The following CCNJL variants were observed in gnomAD, a reference collection of about 807,000 sequenced individuals.
The protein encoded by CCNJL is cyclin-J-like protein.
CCNJL carries 33 observed loss-of-function variants against 33.4 expected under a neutral mutation model. That is an observed-to-expected ratio of 0.99 (90% confidence interval 0.75 to 1.32). The LOEUF is 1.32. Ranked by LOEUF, CCNJL falls within the 40% of genes most tolerant of loss-of-function variation. The pLI, the probability that CCNJL is intolerant of heterozygous loss-of-function variation, is 0.00. For synonymous variants in CCNJL, 227 were observed against 220.9 expected (o/e 1.03, Z -0.24); for missense variants, 512 against 499.7 (o/e 1.02, Z -0.23).
intron 2 of CCNJL, chr5:160,281,003 T>C (rs1380038631): frequency 9.1e-6 from 5 of 551,350 alleles, no homozygotes; most frequent in Non-Finnish European, 1.6e-5. Flanking sequence ...GGTTTGCTAT[T>C]TGAGATACAC....
intron 1 of CCNJL, among the ~76,000 whole-genome samples, chr5:160,326,486 CAAAAAA>C (rs11461365): frequency 3.5e-5 from 2 of 57,646 alleles, no homozygotes; most frequent in Non-Finnish European, 6.5e-5. Flanking sequence ...ACTCTGTCTC[CAAAAAA>C]AAAAAAAAAA....
chr5:160,333,149 G>A (rs1381019626), intron 1 of CCNJL, among the ~76,000 whole-genome samples: 1 of 149,970 alleles, frequency 6.7e-6, no homozygotes, highest in Non-Finnish European at 1.5e-5. Context: ...TTGAGATGGA[G>A]TCTCGCTCTG....
At chr5:160,292,292 A>G (rs574463563) in intron 2 of CCNJL, among the ~76,000 whole-genome samples, 2 of 152,310 alleles carry the variant, frequency 1.3e-5, no homozygotes, top group East Asian at 1.9e-4. Context: ...AGATATATAG[A>G]TATCTCTATA....
intron 2 of CCNJL, 135 bp downstream of exon 2, chr5:160,311,723 A>C: frequency 4.0e-6 from 3 of 755,036 alleles, no homozygotes; most frequent in African/African-American, 1.7e-5. Flanking sequence ...ACACTCCGGG[A>C]GAAGGTAAAG....
chr5:160,280,776 C>A, intron 2 of CCNJL, 38 bp from the exon 3 acceptor site: 1 of 1,398,636 alleles, frequency 7.1e-7, no homozygotes, highest in East Asian at 2.5e-5. Flanking sequence ...ACGGTCAGGG[C>A]TGCCTCCTGA....
At position 160,259,474 on chromosome 5, in the gene CCNJL, A is replaced by G. The variant is rs1423140025; in HGVS notation, c.578T>C (p.Leu193Pro). ...EYAHYFLEVT[L>P]QDHIFYKFQP... is the part of the protein sequence containing the mutation. The stretch of plus-strand genomic sequence containing the variant: ...CATCGGGTCCCAGCTGTCACCTTGC[A>G]GGGTGACCTCTAGGAAGTAATGGGC... The change falls in exon 4 of 6, where the codon CTG becomes CCG. Residue 193 changes from leucine to proline, a missense_variant. By Grantham distance (98) the Leu-to-Pro change is moderately conservative (BLOSUM62 -3). Transcript: ENST00000257536. The G allele has an allele frequency of 1.2e-6, 2 of 1,609,760 alleles. No homozygotes were observed. The highest frequency in any genetic ancestry group is 1.7e-6 in the Non-Finnish European group (2 of 1,177,254).
intron 4 of CCNJL, among the ~76,000 whole-genome samples, chr5:160,257,470 G>A (rs1477533633): frequency 6.6e-6 from 1 of 151,492 alleles, no homozygotes; most frequent in African/African-American, 2.4e-5. Context: ...GCAAGCCTCC[G>A]TCTCAAAAAA....
chr5:160,274,170 T>C (rs1050492521), intron 3 of CCNJL, among the ~76,000 whole-genome samples: 12 of 152,016 alleles, frequency 7.9e-5, no homozygotes, highest in African/African-American at 2.9e-4. Context: ...TAAAAATCTA[T>C]AGTAAGGGCC....
chr5:160,294,731 CT>C (rs758147520), intron 2 of CCNJL: 2 of 152,338 alleles, frequency 1.3e-5, no homozygotes, highest in Admixed American at 6.5e-5. Flanking sequence ...CCCATACCTT[CT>C]GGAGTGGAGG....
Position 160,250,222 on chromosome 5 carries a change from A to G in CCNJL, c.*3156T>C, listed in dbSNP as rs1190858646. The G allele has an allele frequency of 1.3e-5, 2 of 152,134 alleles. No individual in the cohort carries two copies. The highest frequency in any genetic ancestry group is 4.8e-5 in the African/African-American group (2 of 41,418). 9.4% of individuals were successfully genotyped at this position (152,134 alleles called of 1,614,324 possible). A position where few individuals can be genotyped will look rare whatever the true frequency, so the allele number is the denominator to read the frequency against. ...CTTAGAACCATCCACCAACTTGACC[A>G]TCTCCATAGTAACAGATGGAGAAAT... is the stretch of plus-strand genomic sequence containing the variant. On this transcript the variant is annotated 3_prime_UTR_variant, in exon 6 of 6. Coordinates refer to ENST00000257536, the MANE Select transcript of CCNJL (RefSeq NM_001308173.3).
At position 160,249,759 on chromosome 5, in the gene CCNJL, T is replaced by C. The variant is rs1760755792; in HGVS notation, c.*3619A>G. On this transcript the variant is annotated 3_prime_UTR_variant, in exon 6 of 6. Transcript: ENST00000257536. ...GCCTGGGCCACAGAGTGAGACCCTG[T>C]TTCAAAAAATAAATAAATAAATAAA... 7.4e-6 allele frequency: 1 copy of C among 134,712 alleles called. No individual in the cohort carries two copies. The highest frequency in any genetic ancestry group is 1.6e-5 in the Non-Finnish European group (1 of 61,352). The allele number at this position is 134,712 out of a possible 1,614,324, so 8.3% of individuals were successfully genotyped here. A position where few individuals can be genotyped will look rare whatever the true frequency, so the allele number is the denominator to read the frequency against.
chr5:160,333,748 GCC>G (rs1430052816), intron 1 of CCNJL, among the ~76,000 whole-genome samples: 1 of 151,974 alleles, frequency 6.6e-6, no homozygotes, highest in Non-Finnish European at 1.5e-5. Context: ...CCACACCCAA[GCC>G]ACTCTCCTTC....
chr5:160,315,318 AACACAC>A (rs57432164), upstream of CCNJL: 37,133 of 103,930 alleles, frequency 0.36, 6,343 homozygotes, highest in Middle Eastern at 0.49. Context: ...CCCGCCCCCC[AACACAC>A]ACACACACAC....
intron 4 of CCNJL, among the ~76,000 whole-genome samples, chr5:160,257,327 T>C (rs1297104358): frequency 2.0e-5 from 3 of 151,424 alleles, no homozygotes; most frequent in African/African-American, 4.9e-5. Context: ...TACAAAAAAT[T>C]AGCCAGGCGT....
Position 160,253,633 on chromosome 5 carries a change from C to T in CCNJL, c.909G>A (p.Gln303=). 1 of 1,612,954 alleles carries T rather than the reference C, an allele frequency of 6.2e-7. No individual in the cohort carries two copies. Among genetic ancestry groups the T allele is most frequent in the East Asian group, 2.2e-5 (1 of 44,844 alleles). The change falls in exon 6 of 6, where the codon CAG becomes CAA. Residue 303 remains glutamine, a synonymous_variant. Transcript: ENST00000257536. ...TTLAQFQTPV[Q]DLCLAYRDSL... ...AGTCCCGATAGGCCAAGCATAGGTC[C>T]TGCACGGGGGTCTGGAACTGTGCCA... is the stretch of plus-strand genomic sequence containing the variant.
At chr5:160,259,947 C>A (rs147752493) in intron 3 of CCNJL, among the ~76,000 whole-genome samples, 176 bp from the exon 4 acceptor site, 7 of 152,352 alleles carry the variant, frequency 4.6e-5, no homozygotes, top group Non-Finnish European at 8.8e-5. Context: ...AGGCTTGAAT[C>A]CACAAGCCAT....
intron 2 of CCNJL, chr5:160,281,335 C>G (rs1300365390): frequency 6.3e-6 from 1 of 159,064 alleles, no homozygotes; most frequent in African/African-American, 2.4e-5. Context: ...CAAGGAACTC[C>G]CAAATACCCT....
rs375371521 is a variant in CCNJL, at chr5:160,311,870, G to A, written c.54C>T (p.Thr18=). The A allele has an allele frequency of 8.1e-5, 130 of 1,613,910 alleles. No homozygotes were observed. The highest frequency in any genetic ancestry group is 1.1e-4 in the Non-Finnish European group (128 of 1,179,900). The change falls in exon 2 of 6, where the codon ACC becomes ACT. Residue 18 remains threonine, a synonymous_variant. Transcript: ENST00000257536. ...GGGAGGGACTGACCTTCTCGCGCAG[G>A]GTGCAGTGGACGTCCGAGGCGACGC... ...EGRVASDVHC[T]LREKELKLPT...
intron 2 of CCNJL, among the ~76,000 whole-genome samples, chr5:160,308,943 G>A (rs897002611): frequency 2.6e-5 from 4 of 152,232 alleles, no homozygotes; most frequent in African/African-American, 4.8e-5. Flanking sequence ...CCAGTGCAAA[G>A]ACCCTGAGAC....
Sources: gnomAD v4.1 joint callset for allele counts (sites outside exome capture counted in the v4.1 genomes callset) on GRCh38, gnomAD v4.1.1 for gene constraint, MANE v1.5 for transcripts, NCBI Gene and HGNC (gene_info 2026-07-23, HGNC 2026-07-21) for gene names.